The following NUP155 variants were observed in gnomAD, a reference collection of about 807,000 sequenced individuals.
NUP155 encodes nuclear pore complex protein Nup155.
In NUP155, 71 loss-of-function variants were observed where a neutral mutation model predicts 180.4. That is an observed-to-expected ratio of 0.39 (90% CI 0.33 to 0.48). NUP155 has a LOEUF of 0.48. Ranked by LOEUF, NUP155 falls within the 20% of genes least tolerant of loss-of-function variation. NUP155 has a pLI of 0.91. For missense variants in NUP155, 1,553 were observed against 1,648.9 expected, an observed-to-expected ratio of 0.94 and a Z score of 1.01; for synonymous variants, 582 against 559.5, an observed-to-expected ratio of 1.04 and a Z score of -0.57.
rs530693628 is a variant in NUP155 at position 37,342,886 on chromosome 5, G to A, written c.996-240C>T. On this transcript the variant is annotated intron_variant, in intron 9 of 34. Coordinates refer to ENST00000231498, the MANE Select transcript of NUP155 (RefSeq NM_153485.3). ...TGAGTAGCTGGGATTACGGGCTCGC[G>A]CCAGCACGCCCAGGTAATTTTTGTG... Among the ~76,000 whole-genome samples, 14 of 152,008 alleles carry A rather than the reference G, an allele frequency of 9.2e-5. No individual in the cohort carries two copies. The East Asian group carries it at 1.4e-3, about 15-fold the overall frequency.
At chr5:37,307,184 C>G (rs1285195596) in intron 25 of NUP155, 113 bp downstream of exon 25, 31 of 1,018,870 alleles carry the variant, frequency 3.0e-5, no homozygotes, top group Non-Finnish European at 4.2e-5. Context: ...GGTGACAGAG[C>G]AAGACTCTGT....
chr5:37,302,222 A>G (rs1238009434), intron 29 of NUP155, among the ~76,000 whole-genome samples: 1 of 152,052 alleles, frequency 6.6e-6, no homozygotes, highest in East Asian at 1.9e-4. Context: ...GTTGGGAAAA[A>G]CATTTATTTT....
At position 37,327,639 on chromosome 5, in the gene NUP155, G is replaced by C. The variant is rs373376199; in HGVS notation, c.2014C>G (p.Arg672Gly). 4.3e-6 allele frequency: 7 copies of C among 1,613,878 alleles called. No individual in the cohort carries two copies. The African/African-American group carries it at 9.3e-5, about 22-fold the overall frequency. ...TCATGACAAACTTACCCCATGATCCGAGAAAAGTAAATGCAAATACCATTG... is the reference window on the plus strand; with the variant it reads ...TCATGACAAACTTACCCCATGATCCCAGAAAAGTAAATGCAAATACCATTG... ...KHNGICIYFS[R>G]IMGNIWDASL... The change falls in exon 18 of 35, where the codon CGG (arginine) becomes GGG (glycine). Residue 672 changes from arginine (R) to glycine (G), a missense_variant. Coordinates refer to ENST00000231498, the MANE Select transcript of NUP155 (RefSeq NM_153485.3).
At chr5:37,341,053 A>G (rs1472771694) in intron 11 of NUP155, 37 bp downstream of exon 11, 1 of 1,488,070 alleles carries the variant, frequency 6.7e-7, no homozygotes, top group African/African-American at 1.4e-5. Context: ...CAATTTTAAG[A>G]ATATAATCTT....
At chr5:37,296,563 A>G (rs1039644681) in intron 32 of NUP155, among the ~76,000 whole-genome samples, 2 of 137,198 alleles carry the variant, frequency 1.5e-5, no homozygotes, top group African/African-American at 5.4e-5. Context: ...AGGCAGCCGC[A>G]GGGTCCTCTG....
intron 11 of NUP155, among the ~76,000 whole-genome samples, chr5:37,340,300 G>A (rs1339056261): frequency 6.6e-6 from 1 of 152,004 alleles, no homozygotes; most frequent in Non-Finnish European, 1.5e-5. Context: ...AATTAGCCGG[G>A]TGTGGTGGCA....
intron 24 of NUP155, among the ~76,000 whole-genome samples, chr5:37,308,415 A>G (rs1340919374): frequency 2.0e-5 from 3 of 151,770 alleles, no homozygotes; most frequent in African/African-American, 7.3e-5. Flanking sequence ...TAGCTGGGCA[A>G]TGGCCGGGCG....
rs946851257 is a variant in NUP155, at chr5:37,303,458, C to A, written c.3163-44G>T. 11 of 1,507,764 alleles carry A rather than the reference C, an allele frequency of 7.3e-6. No individual in the cohort carries two copies. The African/African-American group carries it at 1.4e-4, about 19-fold the overall frequency. The allele number at this position is 1,507,764 out of a possible 1,614,324, so 93.4% of individuals were successfully genotyped here. ...TTCAGAAAAATTTTCTAACCACCTA[C>A]AGATAATGTTCCTGATAAGGAAAAT... On this transcript the variant is annotated intron_variant, in intron 27 of 34. Coordinates refer to ENST00000231498, the MANE Select transcript of NUP155 (RefSeq NM_153485.3).
In NUP155 at chr5:37,329,277, A is replaced by AC; in HGVS notation, c.1725dup (p.Tyr576ValfsTer4). On this transcript the variant is annotated frameshift_variant and splice_region_variant, in exon 16 of 35. Coordinates refer to ENST00000231498, the MANE Select transcript of NUP155 (RefSeq NM_153485.3). LOFTEE classifies it high-confidence loss of function. ...AATCTCATCTGTGCTTCACCACCAT[A>AC]CCTATTTTTATGACAAGAGGTTGAG... The AC allele has an allele frequency of 6.2e-7, 1 of 1,612,290 alleles. No individual in the cohort carries two copies. The highest frequency in any genetic ancestry group is 8.5e-7 in the Non-Finnish European group (1 of 1,178,392).
At chr5:37,370,746 G>T (rs926795071) in intron 1 of NUP155, 75 bp downstream of exon 1, 16 of 1,612,824 alleles carry the variant, frequency 9.9e-6, no homozygotes, top group Non-Finnish European at 1.4e-5. Flanking sequence ...CGGGACCAAC[G>T]CTGGGGATAA....
chr5:37,352,930 A>G, intron 4 of NUP155, 101 bp from the exon 5 acceptor site: 1 of 772,638 alleles, frequency 1.3e-6, no homozygotes, highest in South Asian at 1.5e-5. Context: ...TAAATGGTAT[A>G]TGAAAAGTCT....
In NUP155 at chr5:37,314,247, T is replaced by C; in HGVS notation, c.2387A>G (p.Lys796Arg). 6 of 1,610,780 alleles carry C rather than the reference T, an allele frequency of 3.7e-6. No individual in the cohort carries two copies. The highest frequency in any genetic ancestry group is 5.1e-6 in the Non-Finnish European group (6 of 1,177,434). The change falls in exon 22 of 35, where the codon AAA becomes AGA. Residue 796 changes from lysine (K) to arginine (R), a missense_variant. Transcript: ENST00000231498. ...RKSYQALALW[K>R]LLCEHQFTII... is the part of the protein sequence containing the mutation. ...AGTGAATTGATGTTCACAAAGAAGT[T>C]TCCATAAAGCCAGAGCCTGATATGA...
At position 37,301,676 on chromosome 5, in the gene NUP155, T is replaced by C. The variant is rs144556259; in HGVS notation, c.3448-126A>G. On this transcript the variant is annotated intron_variant, in intron 29 of 34. Coordinates refer to ENST00000231498, the MANE Select transcript of NUP155 (RefSeq NM_153485.3). ...AATGTATAAATGAAGATTTCTATCATAATAGGCTAATATTATCATAACAGA... is the reference window on the plus strand; with the variant it reads ...AATGTATAAATGAAGATTTCTATCACAATAGGCTAATATTATCATAACAGA... 111 of 694,056 alleles carry C rather than the reference T, an allele frequency of 1.6e-4. No homozygotes were observed. The African/African-American group carries it at 1.6e-3, about 10-fold the overall frequency. 43.0% of individuals were successfully genotyped at this position (694,056 alleles called of 1,614,324 possible).
At chr5:37,346,399 C>G (rs1013283075) in intron 9 of NUP155, among the ~76,000 whole-genome samples, 4 of 152,146 alleles carry the variant, frequency 2.6e-5, no homozygotes, top group Non-Finnish European at 5.9e-5. Flanking sequence ...AGGTGGGGTG[C>G]AGTGGCTCAC....
chr5:37,358,845 C>T (rs1028880794), intron 3 of NUP155, among the ~76,000 whole-genome samples: 5 of 152,014 alleles, frequency 3.3e-5, no homozygotes, highest in African/African-American at 1.2e-4. Flanking sequence ...GGTGAAACCC[C>T]GTCTCTACTA....
chr5:37,362,159 T>C lies in NUP155; in HGVS notation c.392+1729A>G, dbSNP rs1747265000. ...CAGTAAGGTAGGACTGTTTGTTCCA[T>C]GAGGGCAGAACTACATTCATCTCAT... On this transcript the variant is annotated intron_variant, in intron 3 of 34. Coordinates refer to ENST00000231498, the MANE Select transcript of NUP155 (RefSeq NM_153485.3). 1.3e-5 allele frequency among the ~76,000 whole-genome samples: 2 copies of C among 152,180 alleles called. 1 individual carries two copies. Among genetic ancestry groups the C allele is most frequent in the South Asian group, 4.1e-4 (2 of 4,828 alleles).
chr5:37,318,859 A>G (rs2150956141), intron 20 of NUP155, among the ~76,000 whole-genome samples: 1 of 152,348 alleles, frequency 6.6e-6, no homozygotes, highest in Middle Eastern at 3.4e-3. Context: ...TTTCAAAGTA[A>G]ACACTAAGTC....
At position 37,361,306 on chromosome 5, in the gene NUP155, G is replaced by GGA. The variant is rs532385418; in HGVS notation, c.392+2580_392+2581dup. Among the ~76,000 whole-genome samples, 496 of 144,120 alleles carry GGA rather than the reference G, an allele frequency of 3.4e-3. 3 individuals are homozygous for GGA. The highest frequency in any genetic ancestry group is 4.9e-3 in the Non-Finnish European group (322 of 66,186). The allele number at this position is 144,120 out of a possible 152,430, so 94.5% of individuals were successfully genotyped here. A position where few individuals can be genotyped will look rare whatever the true frequency, so the allele number is the denominator to read the frequency against. On this transcript the variant is annotated intron_variant, in intron 3 of 34. Coordinates refer to ENST00000231498, the MANE Select transcript of NUP155 (RefSeq NM_153485.3). ...AAAAAGACAATGGCTGAACAGAAAA[G>GGA]GAGAGAGAGAGAGAGAAATAAAGAT...
At chr5:37,314,122 C>T in intron 22 of NUP155, 76 bp downstream of exon 22, 5 of 1,091,962 alleles carry the variant, frequency 4.6e-6, no homozygotes, top group South Asian at 2.9e-5. Context: ...ATAATCCCCT[C>T]CAAAGCCAAA....
Sources: allele counts gnomAD v4.1 joint callset (sites outside exome capture counted in the v4.1 genomes callset), GRCh38; gene constraint gnomAD v4.1.1; transcripts MANE v1.5; gene names NCBI Gene and HGNC (gene_info 2026-07-23, HGNC 2026-07-21).